Variants in SLC24A2 observed in about 807,000 individuals in gnomAD.
SLC24A2 encodes the protein sodium/potassium/calcium exchanger 2.
A neutral mutation model predicts 62.0 loss-of-function variants in SLC24A2; 36 were observed. That is an observed-to-expected ratio of 0.58 (90% CI 0.44 to 0.77). SLC24A2 has a LOEUF of 0.77. SLC24A2 is among the 30% of genes least tolerant of loss of function. The pLI is 0.00. For synonymous variants in SLC24A2, 358 were observed against 294.0 expected, an observed-to-expected ratio of 1.22 and a Z score of -2.23; for missense variants, 846 against 817.9, an observed-to-expected ratio of 1.03 and a Z score of -0.42.
chr9:20,164,926 T>C, the SLC24A2 span, among the ~76,000 whole-genome samples: 2 of 139,746 alleles, frequency 1.4e-5, no homozygotes, highest in Admixed American at 1.6e-4. Flanking sequence ...TAGGTGGGAA[T>C]TGAACAATGA....
intron 4 of SLC24A2, among the ~76,000 whole-genome samples, chr9:19,611,489 G>A (rs1367371430): frequency 2.0e-5 from 3 of 151,830 alleles, no homozygotes; most frequent in Non-Finnish European, 2.9e-5. Context: ...GAGGGGAAAG[G>A]CGGAAGGAGG....
chr9:20,145,043 CAAGT>C, the SLC24A2 span, among the ~76,000 whole-genome samples: 1 of 152,066 alleles, frequency 6.6e-6, no homozygotes, highest in Admixed American at 6.6e-5. Context: ...AACTACTTAT[CAAGT>C]AATTGTTACA....
At chr9:20,018,529 T>G in the SLC24A2 span, among the ~76,000 whole-genome samples, 1 of 152,178 alleles carries the variant, frequency 6.6e-6, no homozygotes, top group Non-Finnish European at 1.5e-5. Context: ...TTCATTTTCC[T>G]TTTCCTCCAT....
At chr9:20,210,222 A>G in the SLC24A2 span, among the ~76,000 whole-genome samples, 2,424 of 152,284 alleles carry the variant, frequency 0.016, 75 homozygotes, top group African/African-American at 0.055. Context: ...ACACACCCAG[A>G]CCCAGCACCT....
chr9:19,532,489 AT>A (rs1431889160), intron 8 of SLC24A2, among the ~76,000 whole-genome samples: 6 of 152,156 alleles, frequency 3.9e-5, no homozygotes, highest in Non-Finnish European at 7.3e-5. Context: ...TTTTATCTGT[AT>A]TTTTTACTGT....
the SLC24A2 span, among the ~76,000 whole-genome samples, chr9:19,925,472 A>G: frequency 6.6e-6 from 1 of 152,186 alleles, no homozygotes; most frequent in Non-Finnish European, 1.5e-5. Context: ...CTCCTTGTGT[A>G]TATATGTTTT....
chr9:20,057,072 A>G, the SLC24A2 span, among the ~76,000 whole-genome samples: 1 of 152,160 alleles, frequency 6.6e-6, no homozygotes, highest in Non-Finnish European at 1.5e-5. Context: ...TTTTTTGTTC[A>G]CTTGATTGAA....
the SLC24A2 span, among the ~76,000 whole-genome samples, chr9:19,802,705 T>C: frequency 2.0e-5 from 3 of 152,010 alleles, no homozygotes; most frequent in Non-Finnish European, 4.4e-5. Context: ...AAAAAGTAAA[T>C]GAAATTGTGC....
At chr9:19,962,668 A>T in the SLC24A2 span, among the ~76,000 whole-genome samples, 1 of 151,992 alleles carries the variant, frequency 6.6e-6, no homozygotes, top group Admixed American at 6.6e-5. Context: ...TCTGTCTGTT[A>T]TTGGTGTATA....
At chr9:20,106,651 C>A in the SLC24A2 span, among the ~76,000 whole-genome samples, 1 of 152,100 alleles carries the variant, frequency 6.6e-6, no homozygotes, top group Non-Finnish European at 1.5e-5. Context: ...TTCAACAACC[C>A]TTCATGCTAA....
At chr9:19,978,940 G>A in the SLC24A2 span, among the ~76,000 whole-genome samples, 2 of 152,268 alleles carry the variant, frequency 1.3e-5, no homozygotes, top group Admixed American at 1.3e-4. Flanking sequence ...AAGACTTAAA[G>A]AAAAATCTGG....
the SLC24A2 span, among the ~76,000 whole-genome samples, chr9:20,131,222 A>T: frequency 6.6e-6 from 1 of 152,198 alleles, no homozygotes; most frequent in East Asian, 1.9e-4. Context: ...CAAAGGCCAC[A>T]ATATCATCTC....
At chr9:19,580,257 A>C (rs994977812) in intron 5 of SLC24A2, among the ~76,000 whole-genome samples, 1 of 152,202 alleles carries the variant, frequency 6.6e-6, no homozygotes, top group Non-Finnish European at 1.5e-5. Flanking sequence ...TCCACATCCT[A>C]AGCGCTGACA....
chr9:19,553,387 A>G (rs1834935379), intron 7 of SLC24A2, among the ~76,000 whole-genome samples: 1 of 152,206 alleles, frequency 6.6e-6, no homozygotes, highest in Non-Finnish European at 1.5e-5. Flanking sequence ...GAGTGTCCAT[A>G]GAAAACAAAA....
intron 2 of SLC24A2, among the ~76,000 whole-genome samples, chr9:19,636,300 T>TTTCC (rs1818318838): frequency 8.6e-5 from 4 of 46,632 alleles, no homozygotes; most frequent in African/African-American, 3.5e-4. Context: ...TTTTCTTTTC[T>TTTCC]TTTCTTTTCT....
chr9:20,099,672 T>A, the SLC24A2 span, among the ~76,000 whole-genome samples: 1 of 152,164 alleles, frequency 6.6e-6, no homozygotes, highest in Non-Finnish European at 1.5e-5. Context: ...CAACCCTACA[T>A]AAAACAATCA....
intron 8 of SLC24A2, among the ~76,000 whole-genome samples, chr9:19,535,197 T>C (rs1833898935): frequency 6.6e-6 from 1 of 152,224 alleles, no homozygotes; most frequent in Non-Finnish European, 1.5e-5. Flanking sequence ...GCCCACTTTT[T>C]GATGGGGTTG....
At chr9:19,668,980 G>A (rs1206418236) in intron 2 of SLC24A2, among the ~76,000 whole-genome samples, 1 of 152,168 alleles carries the variant, frequency 6.6e-6, no homozygotes, top group Non-Finnish European at 1.5e-5. Context: ...GTCTCTGTTG[G>A]AGAACAGAAG....
the SLC24A2 span, among the ~76,000 whole-genome samples, chr9:20,168,838 T>C: frequency 6.6e-6 from 1 of 151,946 alleles, no homozygotes; most frequent in Non-Finnish European, 1.5e-5. Context: ...GACCCGGCAG[T>C]TTCACTCTCA....
Sources: allele counts gnomAD v4.1 joint callset (sites outside exome capture counted in the v4.1 genomes callset), GRCh38; gene constraint gnomAD v4.1.1; transcripts MANE v1.5; gene names NCBI Gene and HGNC (gene_info 2026-07-23, HGNC 2026-07-21).